The following COL12A1 variants were observed in gnomAD, a reference collection of about 807,000 sequenced individuals.
COL12A1 encodes the protein collagen alpha-1(XII) chain.
Under a neutral mutation model 349.7 loss-of-function variants are expected in COL12A1, and 114 were observed. The observed-to-expected ratio is 0.33, with a 90% CI of 0.28 to 0.38. The LOEUF (loss-of-function observed/expected upper bound fraction) is 0.38, where lower values mean the gene tolerates loss of function less well. COL12A1 is among the 10% of genes least tolerant of loss of function. The pLI, the probability that COL12A1 is intolerant of heterozygous loss-of-function variation, is 1.00. For missense variants in COL12A1, 3,284 were observed against 3,756.9 expected (o/e 0.87, Z 3.29); for synonymous variants, 1,369 against 1,329.0 (o/e 1.03, Z -0.66).
At chr6:75,104,730 A>C (rs1768464041) in intron 54 of COL12A1, among the ~76,000 whole-genome samples, 1 of 152,188 alleles carries the variant, frequency 6.6e-6, no homozygotes, top group South Asian at 2.1e-4. Context: ...CCAAACCCAG[A>C]GTTTATGATA....
chr6:75,124,478 A>T, intron 40 of COL12A1, 107 bp from the exon 41 acceptor site: 9 of 757,202 alleles, frequency 1.2e-5, no homozygotes, highest in Non-Finnish European at 1.9e-5. Context: ...AAAAAAGTTC[A>T]AAATTGTATT....
Position 75,189,773 on chromosome 6 carries a change from T to A in COL12A1, c.437A>T (p.Asp146Val), listed in dbSNP as rs908249952. 2 of 1,613,060 alleles carry A rather than the reference T, an allele frequency of 1.2e-6. No homozygotes were observed. The highest frequency in any genetic ancestry group is 1.7e-6 in the Non-Finnish European group (2 of 1,179,328). Residue 146 changes from aspartate to valine, a missense_variant, in exon 6 of 66, where the codon GAT (aspartate) becomes GTT (valine). Around this residue, in one of 2 missense-constraint regions of COL12A1, gnomAD observed 2,601 missense variants for 2,824.8 expected, o/e 0.92. Coordinates refer to ENST00000322507, the MANE Select transcript of COL12A1 (RefSeq NM_004370.6). ...ATTTCTTCCCACACTCCAAGAGCCA[T>A]CCACGAGGAAAACCAAATCAGTCCA... is the stretch of plus-strand genomic sequence containing the variant. ...SAWTDLVFLV[D>V]GSWSVGRNNF...
At chr6:75,119,568 G>A in intron 44 of COL12A1, 95 bp from the exon 45 acceptor site, 3 of 1,423,070 alleles carry the variant, frequency 2.1e-6, no homozygotes, top group Non-Finnish European at 2.8e-6. Context: ...AAGCGGTGGG[G>A]GTGTAAAAAG....
At chr6:75,168,726 T>C (rs1768451553) in intron 13 of COL12A1, among the ~76,000 whole-genome samples, 1 of 152,250 alleles carries the variant, frequency 6.6e-6, no homozygotes, top group Admixed American at 6.5e-5. Context: ...CTCTTCTTTC[T>C]ACTTCTCCTC....
intron 14 of COL12A1, among the ~76,000 whole-genome samples, chr6:75,158,266 T>C (rs1481506625): frequency 6.6e-6 from 1 of 152,098 alleles, no homozygotes; most frequent in Non-Finnish European, 1.5e-5. Flanking sequence ...AGCCTTAATC[T>C]GATAGGCTTG....
chr6:75,140,655 CAAA>C (rs1236499281), intron 27 of COL12A1, among the ~76,000 whole-genome samples: 5 of 46,132 alleles, frequency 1.1e-4, no homozygotes, highest in African/African-American at 4.5e-4. Context: ...GACTCTGTCT[CAAA>C]AAAAAAAAAA....
Position 75,182,917 on chromosome 6 carries a change from T to C in COL12A1, c.1891+133A>G, listed in dbSNP as rs1355622893. ...TCAGAGCTAAGAAAACTAAGTTCAA[T>C]AGTTTTCAATAACATAGGAAAGTTA... On this transcript the variant is annotated intron_variant, in intron 10 of 65. Transcript: ENST00000322507. 1.3e-5 allele frequency: 14 copies of C among 1,099,890 alleles called. No individual in the cohort carries two copies. The East Asian group carries it at 2.2e-4, about 17-fold the overall frequency. 68.1% of individuals were successfully genotyped at this position (1,099,890 alleles called of 1,614,324 possible).
chr6:75,188,731 A>G (rs1769764067), intron 7 of COL12A1, among the ~76,000 whole-genome samples, 196 bp from the exon 8 acceptor site: 1 of 152,170 alleles, frequency 6.6e-6, no homozygotes, highest in Non-Finnish European at 1.5e-5. Context: ...AATTTGACAT[A>G]TAGTGGTCAG....
chr6:75,087,929 C>T (rs901115618), intron 64 of COL12A1, among the ~76,000 whole-genome samples, 182 bp from the exon 65 acceptor site: 2 of 152,132 alleles, frequency 1.3e-5, no homozygotes, highest in Non-Finnish European at 2.9e-5. Context: ...ACTTTCTTAC[C>T]AGTGACTCAT....
At chr6:75,156,626 T>A in intron 14 of COL12A1, 103 bp from the exon 15 acceptor site, 1 of 1,064,370 alleles carries the variant, frequency 9.4e-7, no homozygotes. Context: ...TTCTTAAATA[T>A]GTACACTGTT....
chr6:75,107,591 C>A lies in COL12A1; in HGVS notation c.8101-1095G>T, dbSNP rs1339199255. Among the ~76,000 whole-genome samples, 77 of 152,054 alleles carry A rather than the reference C, an allele frequency of 5.1e-4. 1 individual carries two copies. Among genetic ancestry groups the A allele is most frequent in the Admixed American group, 5.0e-3 (77 of 15,262 alleles). On this transcript the variant is annotated intron_variant, in intron 52 of 65. Transcript: ENST00000322507. ...CAGCCTACATCAAGCTTTAAGAGCC[C>A]ACCCTTATAGAAAAGTAACATTAAA...
Position 75,156,370 on chromosome 6 carries a change from G to T in COL12A1, c.3137C>A (p.Thr1046Lys). 2 of 1,613,980 alleles carry T rather than the reference G, an allele frequency of 1.2e-6. No individual in the cohort carries two copies. Among genetic ancestry groups the T allele is most frequent in the Non-Finnish European group, 8.5e-7 (1 of 1,179,908 alleles). The change falls in exon 15 of 66, where the codon ACA becomes AAA. Residue 1046 changes from threonine to lysine, a missense_variant. Thr to Lys is a moderately conservative substitution (Grantham distance 78). Coordinates refer to ENST00000322507, the MANE Select transcript of COL12A1 (RefSeq NM_004370.6). ...TCGCTTTAACACTGTCGAAGTGACTGTGGGGGGCACCTTAGCAACCATTTG... is the reference window on the plus strand; with the variant it reads ...TCGCTTTAACACTGTCGAAGTGACTTTGGGGGGCACCTTAGCAACCATTTG... ...GKQMVAKVPP[T>K]VTSTVLKRLQ...
chr6:75,143,348 C>G lies in COL12A1; in HGVS notation c.4731G>C (p.Val1577=). The stretch of plus-strand genomic sequence containing the variant: ...AAAAGACATTCATAGTGCTGTGAGT[C>G]ACATCTCTGAGTTTCAGATCCTGAG... ...PRPQDLKLRD[V]THSTMNVFWE... is the part of the protein sequence containing the mutation. Residue 1577 remains valine (V), a synonymous_variant, in exon 26 of 66, where the codon GTG becomes GTC. Coordinates refer to ENST00000322507, the MANE Select transcript of COL12A1 (RefSeq NM_004370.6). The G allele has an allele frequency of 6.2e-7, 1 of 1,613,830 alleles. No homozygotes were observed. Among genetic ancestry groups the G allele is most frequent in the Non-Finnish European group, 8.5e-7 (1 of 1,179,914 alleles).
At chr6:75,175,469 A>C (rs1768889339) in intron 12 of COL12A1, among the ~76,000 whole-genome samples, 159 bp from the exon 13 acceptor site, 1 of 152,232 alleles carries the variant, frequency 6.6e-6, no homozygotes, top group Non-Finnish European at 1.5e-5. Flanking sequence ...AAGCTTAAGC[A>C]TCTCTGAATC....
chr6:75,194,327 A>G (rs1385655543), intron 3 of COL12A1, among the ~76,000 whole-genome samples: 1 of 152,206 alleles, frequency 6.6e-6, no homozygotes, highest in Non-Finnish European at 1.5e-5. Context: ...TAGTTTTCCA[A>G]GGATTCAGCC....
intron 31 of COL12A1, 103 bp from the exon 32 acceptor site, chr6:75,134,958 C>G: frequency 7.9e-7 from 1 of 1,266,026 alleles, no homozygotes; most frequent in East Asian, 2.5e-5. Context: ...AGACCCTTGT[C>G]AAGTTCCAGA....
chr6:75,092,746 A>T (rs1767835648), intron 60 of COL12A1, among the ~76,000 whole-genome samples: 1 of 151,204 alleles, frequency 6.6e-6, no homozygotes, highest in Non-Finnish European at 1.5e-5. Flanking sequence ...GAAAAATTAG[A>T]TCATGTAACT....
chr6:75,130,932 G>A lies in COL12A1; in HGVS notation c.5987C>T (p.Pro1996Leu), dbSNP rs752189896. ...AAGGTTCACGGAATAGAGTGTGTCC[G>A]GAATCAGCCGCTCCAGATGCACCAT... ...TRMVHLERLI[P>L]DTLYSVNLVA... Residue 1996 changes from proline to leucine, a missense_variant, in exon 36 of 66, where the codon CCG becomes CTG. Transcript: ENST00000322507. 38 of 1,613,970 alleles carry A rather than the reference G, an allele frequency of 2.4e-5. No homozygotes were observed. Among genetic ancestry groups the A allele is most frequent in the South Asian group, 2.2e-4 (20 of 91,078 alleles).
intron 2 of COL12A1, among the ~76,000 whole-genome samples, chr6:75,199,145 C>A (rs1466700853): frequency 6.6e-6 from 1 of 152,130 alleles, no homozygotes; most frequent in Non-Finnish European, 1.5e-5. Flanking sequence ...CCGGATCAAC[C>A]AGTTGTCAAG....
Sources: allele counts gnomAD v4.1 joint callset (sites outside exome capture counted in the v4.1 genomes callset), GRCh38; gene constraint gnomAD v4.1.1; regional missense constraint gnomAD v4.1.1; transcripts MANE v1.5; gene names NCBI Gene and HGNC (gene_info 2026-07-23, HGNC 2026-07-21).